The following AKAP6 variants were observed in gnomAD, a reference collection of about 807,000 sequenced individuals.
AKAP6 encodes the protein A-kinase anchoring protein 6.
A neutral mutation model predicts 188.5 loss-of-function variants in AKAP6; 58 were observed. The ratio of observed to expected loss-of-function variants is 0.31; its 90% CI spans 0.25 to 0.38. The LOEUF (loss-of-function observed/expected upper bound fraction) is 0.38, where lower values mean the gene tolerates loss of function less well. AKAP6 is among the 10% of genes least tolerant of loss of function. The pLI, the probability that AKAP6 is intolerant of heterozygous loss-of-function variation, is 1.00. For synonymous variants in AKAP6, 989 were observed against 998.6 expected, an observed-to-expected ratio of 0.99 and a Z score of 0.18; for missense variants, 2,710 against 2,740.0, an observed-to-expected ratio of 0.99 and a Z score of 0.24.
At chr14:32,684,802 C>A (rs1889834806) in intron 8 of AKAP6, among the ~76,000 whole-genome samples, 1 of 151,476 alleles carries the variant, frequency 6.6e-6, no homozygotes, top group Non-Finnish European at 1.5e-5. Flanking sequence ...ACCTAGAATG[C>A]AATAAATAAT....
chr14:32,716,096 A>C (rs2030182714), intron 9 of AKAP6, among the ~76,000 whole-genome samples: 1 of 152,040 alleles, frequency 6.6e-6, no homozygotes. Flanking sequence ...CAATGCAAGC[A>C]AAGTTTAAAT....
chr14:32,727,423 T>C (rs1181585624), intron 9 of AKAP6, among the ~76,000 whole-genome samples: 1 of 152,226 alleles, frequency 6.6e-6, no homozygotes, highest in East Asian at 1.9e-4. Context: ...AGTGGTATGA[T>C]TGGAATTAAA....
rs1482879743 is a variant in AKAP6, at chr14:32,735,768, G to A, written c.3258G>A (p.Arg1086=). Residue 1086 remains arginine, a synonymous_variant, in exon 11 of 14, where the codon AGG becomes AGA. Transcript: ENST00000280979. ...GCCTGGTAAGGCAGCTGGAGGTCAG[G>A]ATCAAAGAACTGAAAGGATGGCTAA... is the stretch of plus-strand genomic sequence containing the variant. ...SGSLVRQLEV[R]IKELKGWLRD... is the part of the protein sequence containing the mutation. The A allele has an allele frequency of 6.2e-7, 1 of 1,613,480 alleles. No homozygotes were observed. Among genetic ancestry groups the A allele is most frequent in the Admixed American group, 1.7e-5 (1 of 59,880 alleles).
chr14:32,739,985 C>T (rs1265281276), intron 11 of AKAP6, among the ~76,000 whole-genome samples: 1 of 152,066 alleles, frequency 6.6e-6, no homozygotes, highest in African/African-American at 2.4e-5. Flanking sequence ...ATTTACATTC[C>T]CACCAACAGT....
At chr14:32,660,866 A>G (rs557367973) in intron 7 of AKAP6, among the ~76,000 whole-genome samples, 1 of 151,140 alleles carries the variant, frequency 6.6e-6, no homozygotes, top group Non-Finnish European at 1.5e-5. Flanking sequence ...TCTGGGACCT[A>G]GATAAAATTT....
intron 1 of AKAP6, among the ~76,000 whole-genome samples, chr14:32,398,844 GTTTTTTTT>G (rs773955888): frequency 8.2e-4 from 50 of 60,974 alleles, no homozygotes; most frequent in African/African-American, 2.6e-3. Flanking sequence ...CTTTCTTCCT[GTTTTTTTT>G]TTTTTTTTTT....
At chr14:32,365,526 T>C (rs552346573) in intron 1 of AKAP6, among the ~76,000 whole-genome samples, 3 of 152,206 alleles carry the variant, frequency 2.0e-5, no homozygotes, top group African/African-American at 7.2e-5. Flanking sequence ...TTCTTTCCTA[T>C]CTGTATAACC....
intron 8 of AKAP6, among the ~76,000 whole-genome samples, chr14:32,681,552 A>G (rs1043300088): frequency 2.7e-4 from 41 of 152,198 alleles, no homozygotes; most frequent in Non-Finnish European, 2.9e-5. Context: ...GAACTAAGGT[A>G]TCTTCCTACT....
intron 5 of AKAP6, among the ~76,000 whole-genome samples, chr14:32,590,735 G>A (rs911654904): frequency 1.3e-5 from 2 of 152,054 alleles, no homozygotes; most frequent in Non-Finnish European, 2.9e-5. Flanking sequence ...GCAATTTATC[G>A]CCTTTGACAA....
At chr14:32,559,427 G>A (rs1378152343) in intron 4 of AKAP6, among the ~76,000 whole-genome samples, 1 of 152,192 alleles carries the variant, frequency 6.6e-6, no homozygotes, top group Non-Finnish European at 1.5e-5. Flanking sequence ...ATTTTTAGAT[G>A]TTGGATCTGA....
intron 7 of AKAP6, among the ~76,000 whole-genome samples, chr14:32,605,689 T>C (rs1026775417): frequency 6.6e-6 from 1 of 152,236 alleles, no homozygotes; most frequent in Admixed American, 6.5e-5. Context: ...TTAGCCATTA[T>C]GTCAGTCCTC....
At chr14:32,728,351 TATC>T in intron 9 of AKAP6, among the ~76,000 whole-genome samples, 1 of 36,562 alleles carries the variant, frequency 2.7e-5, no homozygotes, top group East Asian at 2.8e-3. Flanking sequence ...CAGTGTATTC[TATC>T]TATCTATCTA....
At chr14:32,700,111 C>A (rs1051378308) in intron 9 of AKAP6, among the ~76,000 whole-genome samples, 1 of 152,146 alleles carries the variant, frequency 6.6e-6, no homozygotes, top group African/African-American at 2.4e-5. Flanking sequence ...GACTGAGTGA[C>A]CTAGAAGCAT....
chr14:32,479,309 T>A (rs1879222904), intron 2 of AKAP6, among the ~76,000 whole-genome samples: 2 of 152,196 alleles, frequency 1.3e-5, no homozygotes, highest in East Asian at 3.8e-4. Flanking sequence ...TAAAAATTAC[T>A]TCTACTGTTT....
intron 11 of AKAP6, among the ~76,000 whole-genome samples, chr14:32,768,810 A>G (rs1383369325): frequency 1.3e-5 from 2 of 152,052 alleles, no homozygotes; most frequent in Non-Finnish European, 2.9e-5. Context: ...AGCATGGTTC[A>G]TTGGGCATCA....
In AKAP6 at chr14:32,821,920, A is replaced by C; in HGVS notation, c.4107A>C (p.Glu1369Asp). 6.2e-7 allele frequency: 1 copy of C among 1,613,978 alleles called. No individual in the cohort carries two copies. The highest frequency in any genetic ancestry group is 1.7e-5 in the Admixed American group (1 of 59,948). Reference sequence around the variant, plus strand: ...GCAGTGAGAGTGGAATTGTCAGTGAAGGAGACACAGAAACCACTACCAACT... The same window carrying C: ...GCAGTGAGAGTGGAATTGTCAGTGACGGAGACACAGAAACCACTACCAACT... ...NSGSESGIVSEGDTETTTNSE... is the reference protein window; with the variant it reads ...NSGSESGIVSDGDTETTTNSE... Residue 1369 changes from glutamate (E) to aspartate (D), a missense_variant, in exon 13 of 14, where the codon GAA (glutamate) becomes GAC (aspartate). Glu to Asp is a conservative substitution (Grantham distance 45). Coordinates refer to ENST00000280979, the MANE Select transcript of AKAP6 (RefSeq NM_004274.5).
intron 5 of AKAP6, among the ~76,000 whole-genome samples, chr14:32,581,076 G>C (rs1176892310): frequency 1.3e-5 from 2 of 152,078 alleles, no homozygotes; most frequent in Non-Finnish European, 2.9e-5. Flanking sequence ...CCAGTAATGG[G>C]ATGGCTGGGT....
chr14:32,803,051 T>C (rs764536555), intron 12 of AKAP6, among the ~76,000 whole-genome samples: 3 of 152,152 alleles, frequency 2.0e-5, no homozygotes, highest in Non-Finnish European at 4.4e-5. Context: ...TGAGCCAAGA[T>C]TGCACTCCAG....
intron 2 of AKAP6, among the ~76,000 whole-genome samples, chr14:32,495,651 T>C (rs546284970): frequency 1.3e-5 from 2 of 152,330 alleles, no homozygotes; most frequent in African/African-American, 2.4e-5. Context: ...GTGCGACTTA[T>C]CTGGCGCGTG....
Sources: gnomAD v4.1 joint callset for allele counts (sites outside exome capture counted in the v4.1 genomes callset) on GRCh38, gnomAD v4.1.1 for gene constraint, MANE v1.5 for transcripts, NCBI Gene and HGNC (gene_info 2026-07-23, HGNC 2026-07-21) for gene names.